DCC: variants seen among roughly 807,000 people sequenced by gnomAD.
The protein encoded by DCC is DCC netrin 1 receptor.
A neutral mutation model predicts 172.5 loss-of-function variants in DCC; 58 were observed. The observed-to-expected ratio is 0.34, with a 90% CI of 0.27 to 0.42. The LOEUF (loss-of-function observed/expected upper bound fraction) is 0.42, where lower values mean the gene tolerates loss of function less well. DCC is among the 10% of genes least tolerant of loss of function. The pLI, the probability that DCC is intolerant of heterozygous loss-of-function variation, is 1.00. For missense variants in DCC, 1,740 were observed against 1,791.0 expected (o/e 0.97, Z 0.51); for synonymous variants, 709 against 644.5 (o/e 1.10, Z -1.52).
intron 7 of DCC, among the ~76,000 whole-genome samples, chr18:53,136,809 C>T (rs2043750201): frequency 1.3e-5 from 2 of 152,148 alleles, no homozygotes; most frequent in South Asian, 4.1e-4. Flanking sequence ...ATGTATGTCT[C>T]AGCATTTGAA....
At chr18:52,856,474 A>C (rs1283258362) in intron 2 of DCC, among the ~76,000 whole-genome samples, 1 of 151,896 alleles carries the variant, frequency 6.6e-6, no homozygotes, top group African/African-American at 2.4e-5. Flanking sequence ...AAAATACAAA[A>C]AAATAGCCGG....
intron 12 of DCC, among the ~76,000 whole-genome samples, chr18:53,302,097 T>G (rs1047584569): frequency 5.3e-5 from 8 of 152,300 alleles, no homozygotes; most frequent in Non-Finnish European, 4.4e-5. Context: ...TGTCCTTATT[T>G]TCTTTTAGAG....
intron 8 of DCC, among the ~76,000 whole-genome samples, chr18:53,171,750 AC>A (rs2055016921): frequency 1.3e-5 from 2 of 152,116 alleles, no homozygotes; most frequent in African/African-American, 4.8e-5. Flanking sequence ...AAGAACACAT[AC>A]AAACAGCAAA....
intron 5 of DCC, among the ~76,000 whole-genome samples, chr18:53,043,911 G>T (rs2042202378): frequency 6.6e-6 from 1 of 151,922 alleles, no homozygotes; most frequent in African/African-American, 2.4e-5. Context: ...TTAAAGTACT[G>T]TTACTGTGCC....
In DCC at chr18:52,521,014, T is replaced by G. The variant is rs191570515; in HGVS notation, c.91+180136T>G. Among the ~76,000 whole-genome samples, 191 of 152,266 alleles carry G rather than the reference T, an allele frequency of 1.3e-3. 1 individual carries two copies. The highest frequency in any genetic ancestry group is 4.4e-3 in the African/African-American group (181 of 41,572). ...GGGACTATTGAAGAAAAATAGTGTA[T>G]TTTTCAGGCCAAAAATATACATGGT... On this transcript the variant is annotated intron_variant, in intron 1 of 28. Transcript: ENST00000442544.
chr18:52,688,731 A>G (rs1242972885), intron 1 of DCC, among the ~76,000 whole-genome samples: 3 of 152,096 alleles, frequency 2.0e-5, no homozygotes, highest in African/African-American at 7.2e-5. Flanking sequence ...ATTTTTATGT[A>G]TTTTATACCA....
chr18:52,484,477 T>G (rs995683169), intron 1 of DCC, among the ~76,000 whole-genome samples: 1 of 152,174 alleles, frequency 6.6e-6, no homozygotes, highest in Non-Finnish European at 1.5e-5. Flanking sequence ...CTTCTGATTT[T>G]GTATGATTTA....
chr18:52,697,561 A>C (rs536610756), intron 1 of DCC, among the ~76,000 whole-genome samples: 1 of 152,346 alleles, frequency 6.6e-6, no homozygotes, highest in South Asian at 2.1e-4. Context: ...AGAACTTAAA[A>C]ATCTAAAAAT....
intron 11 of DCC, among the ~76,000 whole-genome samples, chr18:53,212,374 A>C (rs2055767049): frequency 6.6e-6 from 1 of 152,178 alleles, no homozygotes; most frequent in Admixed American, 6.5e-5. Context: ...TATAGAAAAG[A>C]ACAATCGATA....
At chr18:52,821,204 A>G (rs941007484) in intron 2 of DCC, among the ~76,000 whole-genome samples, 1 of 152,178 alleles carries the variant, frequency 6.6e-6, no homozygotes, top group Non-Finnish European at 1.5e-5. Context: ...TCCTATCTGC[A>G]TCTATGCCAA....
At chr18:52,837,255 G>A (rs180783073) in intron 2 of DCC, among the ~76,000 whole-genome samples, 1 of 152,172 alleles carries the variant, frequency 6.6e-6, no homozygotes, top group East Asian at 1.9e-4. Context: ...TTCCCATTGT[G>A]TTGATGATTA....
At chr18:53,195,466 T>C (rs1035589314) in intron 9 of DCC, among the ~76,000 whole-genome samples, 4 of 152,320 alleles carry the variant, frequency 2.6e-5, no homozygotes, top group Non-Finnish European at 5.9e-5. Flanking sequence ...TAATGGTAAT[T>C]CCATGCTTTG....
chr18:53,402,682 A>G (rs1230456207), intron 18 of DCC, 104 bp from the exon 19 acceptor site: 5 of 872,292 alleles, frequency 5.7e-6, no homozygotes, highest in Non-Finnish European at 9.9e-6. Context: ...GACATGATAT[A>G]CTTCTTGATA....
intron 1 of DCC, among the ~76,000 whole-genome samples, chr18:52,481,117 A>G (rs2029941760): frequency 6.6e-6 from 1 of 152,204 alleles, no homozygotes; most frequent in Admixed American, 6.5e-5. Context: ...AAGAAAGCAA[A>G]CATACTTATT....
At chr18:52,491,647 G>C (rs1415692032) in intron 1 of DCC, among the ~76,000 whole-genome samples, 1 of 152,096 alleles carries the variant, frequency 6.6e-6, no homozygotes, top group Non-Finnish European at 1.5e-5. Context: ...AATTTTGGTG[G>C]TGACAATGAA....
intron 1 of DCC, among the ~76,000 whole-genome samples, chr18:52,386,271 A>G (rs771531853): frequency 5.3e-5 from 8 of 152,042 alleles, no homozygotes; most frequent in Non-Finnish European, 1.0e-4. Flanking sequence ...TTGGGTTTTT[A>G]GGGGGTTTCC....
At chr18:53,429,655 T>A (rs1424353540) in intron 21 of DCC, among the ~76,000 whole-genome samples, 1 of 152,014 alleles carries the variant, frequency 6.6e-6, no homozygotes, top group African/African-American at 2.4e-5. Flanking sequence ...CTCAGAGTAG[T>A]TTACCAAATG....
intron 2 of DCC, among the ~76,000 whole-genome samples, chr18:52,843,505 G>T (rs1350749090): frequency 6.6e-6 from 1 of 152,000 alleles, no homozygotes; most frequent in African/African-American, 2.4e-5. Context: ...AATATAAAAA[G>T]TACTGCATTG....
intron 1 of DCC, among the ~76,000 whole-genome samples, chr18:52,384,321 G>A (rs1320667796): frequency 6.6e-6 from 1 of 152,092 alleles, no homozygotes; most frequent in South Asian, 2.1e-4. Flanking sequence ...ATCCTGGCAT[G>A]CCTTTGCTAA....
Sources: gnomAD v4.1 joint callset for allele counts (sites outside exome capture counted in the v4.1 genomes callset) on GRCh38, gnomAD v4.1.1 for gene constraint, MANE v1.5 for transcripts, NCBI Gene and HGNC (gene_info 2026-07-23, HGNC 2026-07-21) for gene names.